Variants in DAP observed in about 807,000 individuals in gnomAD.
The protein encoded by DAP is death-associated protein 1.
Under a neutral mutation model 13.8 loss-of-function variants are expected in DAP, and 8 were observed. The observed-to-expected ratio is 0.58, with a 90% CI of 0.34 to 1.05. The LOEUF is 1.05. DAP is among the 50% of genes least tolerant of loss of function. DAP has a pLI of 0.03. For missense variants in DAP, 106 were observed against 133.2 expected (o/e 0.80, Z 1.01); for synonymous variants, 47 against 47.5 (o/e 0.99, Z 0.04).
intron 2 of DAP, among the ~76,000 whole-genome samples, chr5:10,698,506 C>T (rs764268711): frequency 7.6e-4 from 115 of 152,054 alleles, no homozygotes; most frequent in Non-Finnish European, 1.4e-3. Flanking sequence ...CATCAAAGGC[C>T]CCTAAAGTTT....
Position 10,680,666 on chromosome 5 carries a change from T to A in DAP, c.*390A>T, listed in dbSNP as rs1012969492. On this transcript the variant is annotated 3_prime_UTR_variant, in exon 4 of 4. Transcript: ENST00000230895. ...TTTTATTGGCCCATACTAAAAAGCA[T>A]GCAATGACTGAGGTTTTCTCCTAAC... 12 of 1,387,780 alleles carry A rather than the reference T, an allele frequency of 8.6e-6. No individual in the cohort carries two copies. The highest frequency in any genetic ancestry group is 7.2e-5 in the African/African-American group (5 of 69,340). 86.0% of individuals were successfully genotyped at this position (1,387,780 alleles called of 1,614,324 possible).
chr5:10,747,395 C>A (rs758326409), intron 2 of DAP, among the ~76,000 whole-genome samples: 11 of 152,204 alleles, frequency 7.2e-5, no homozygotes, highest in Non-Finnish European at 1.3e-4. Context: ...CCTGTGCAGG[C>A]CCCAGGAGGG....
chr5:10,696,831 G>A (rs903999747), intron 2 of DAP, among the ~76,000 whole-genome samples: 15 of 152,102 alleles, frequency 9.9e-5, no homozygotes, highest in Middle Eastern at 3.2e-3. Flanking sequence ...TAAGCATTGC[G>A]CTGTGCCATG....
intron 2 of DAP, among the ~76,000 whole-genome samples, chr5:10,725,972 T>G (rs1024742073): frequency 1.1e-4 from 17 of 152,244 alleles, no homozygotes; most frequent in African/African-American, 4.1e-4. Context: ...TTTGCTGTTA[T>G]TTGGCTATTA....
At chr5:10,726,478 C>T (rs1739290549) in intron 2 of DAP, among the ~76,000 whole-genome samples, 1 of 152,212 alleles carries the variant, frequency 6.6e-6, no homozygotes. Context: ...GCATTCTGAC[C>T]AGATTCTCAG....
chr5:10,722,565 T>TAC (rs141314143), intron 2 of DAP, among the ~76,000 whole-genome samples: 10 of 146,844 alleles, frequency 6.8e-5, no homozygotes, highest in African/African-American at 1.3e-4. Flanking sequence ...CATGCATATA[T>TAC]ATACATACAT....
chr5:10,732,721 T>C (rs1739496340), intron 2 of DAP, among the ~76,000 whole-genome samples: 1 of 152,216 alleles, frequency 6.6e-6, no homozygotes, highest in Non-Finnish European at 1.5e-5. Context: ...GGAAATGCTG[T>C]TTAGCTTTTT....
intron 2 of DAP, among the ~76,000 whole-genome samples, chr5:10,738,469 G>A (rs962642516): frequency 1.3e-5 from 2 of 152,168 alleles, no homozygotes; most frequent in African/African-American, 2.4e-5. Flanking sequence ...AATGCATCAA[G>A]AAGGACAAGA....
intron 2 of DAP, among the ~76,000 whole-genome samples, chr5:10,710,606 G>T (rs923278346): frequency 4.6e-5 from 7 of 152,182 alleles, no homozygotes; most frequent in African/African-American, 1.4e-4. Context: ...AAGGCACGAG[G>T]GTCCACACCA....
Position 10,739,425 on chromosome 5 carries a change from G to A in DAP, c.152+8750C>T, listed in dbSNP as rs146296551. ...TATCACTTAATACGTGACTGAGATG[G>A]TTGAGGTGTTTTTATATGTTGTCTA... On this transcript the variant is annotated intron_variant, in intron 2 of 3. Transcript: ENST00000230895. Among the ~76,000 whole-genome samples the A allele has an allele frequency of 2.9e-3, 438 of 152,080 alleles. 4 individuals are homozygous for A. The highest frequency in any genetic ancestry group is 6.8e-3 in the Middle Eastern group (2 of 294).
chr5:10,759,670 G>T (rs267929), intron 1 of DAP, among the ~76,000 whole-genome samples: 6 of 151,422 alleles, frequency 4.0e-5, no homozygotes, highest in Non-Finnish European at 7.4e-5. Flanking sequence ...TTTAAAGAAC[G>T]GCTCCTATTC....
intron 2 of DAP, 135 bp from the exon 3 acceptor site, chr5:10,683,706 G>A (rs919173082): frequency 2.8e-5 from 22 of 779,666 alleles, no homozygotes; most frequent in Middle Eastern, 2.3e-4. Context: ...TCTCCTCTGC[G>A]TTATTTGTTG....
At chr5:10,689,769 T>G (rs1738255759) in intron 2 of DAP, among the ~76,000 whole-genome samples, 2 of 152,126 alleles carry the variant, frequency 1.3e-5, no homozygotes, top group Admixed American at 1.3e-4. Flanking sequence ...ATGGCAAGAC[T>G]GAGGGTCTGA....
intron 2 of DAP, among the ~76,000 whole-genome samples, chr5:10,721,701 T>C (rs1374172296): frequency 1.3e-5 from 2 of 152,188 alleles, no homozygotes; most frequent in African/African-American, 4.8e-5. Context: ...GCTGAGGTGC[T>C]TGCTGAAGGC....
At chr5:10,731,235 G>C (rs1157205348) in intron 2 of DAP, among the ~76,000 whole-genome samples, 1 of 146,142 alleles carries the variant, frequency 6.8e-6, no homozygotes, top group Non-Finnish European at 1.5e-5. Flanking sequence ...CCTAGTGGGG[G>C]GGAATCTTTC....
chr5:10,725,699 C>T (rs1739272648), intron 2 of DAP, among the ~76,000 whole-genome samples: 1 of 152,232 alleles, frequency 6.6e-6, no homozygotes, highest in Non-Finnish European at 1.5e-5. Context: ...AGGCTTTCTT[C>T]TCAATAATTT....
At chr5:10,684,243 T>C (rs1379514952) in intron 2 of DAP, among the ~76,000 whole-genome samples, 1 of 152,218 alleles carries the variant, frequency 6.6e-6, no homozygotes, top group Non-Finnish European at 1.5e-5. Flanking sequence ...CTTTACATGG[T>C]GTGGACTTGG....
At chr5:10,759,018 C>G (rs1280109736) in intron 1 of DAP, among the ~76,000 whole-genome samples, 3 of 152,152 alleles carry the variant, frequency 2.0e-5, no homozygotes, top group Non-Finnish European at 2.9e-5. Flanking sequence ...AAAATCCGGT[C>G]TCTACTAAAA....
intron 2 of DAP, among the ~76,000 whole-genome samples, chr5:10,684,911 C>T (rs1006495591): frequency 6.6e-6 from 1 of 152,178 alleles, no homozygotes. Flanking sequence ...GGGGAAGCAT[C>T]TCCCTCTTAG....
Sources: allele counts gnomAD v4.1 joint callset (sites outside exome capture counted in the v4.1 genomes callset), GRCh38; gene constraint gnomAD v4.1.1; transcripts MANE v1.5; gene names NCBI Gene and HGNC (gene_info 2026-07-23, HGNC 2026-07-21).